The following KIF3B variants were observed in gnomAD, a reference collection of about 807,000 sequenced individuals.
The protein encoded by KIF3B is kinesin family member 3B.
A neutral mutation model predicts 74.3 loss-of-function variants in KIF3B; 38 were observed. The observed-to-expected ratio is 0.51, with a 90% CI of 0.39 to 0.67. The LOEUF (loss-of-function observed/expected upper bound fraction) is 0.67, where lower values mean the gene tolerates loss of function less well. Ranked by LOEUF, KIF3B falls within the 30% of genes least tolerant of loss-of-function variation. The pLI, the probability that KIF3B is intolerant of heterozygous loss-of-function variation, is 0.00. For synonymous variants in KIF3B, 326 were observed against 342.5 expected (o/e 0.95, Z 0.53); for missense variants, 649 against 932.0 (o/e 0.70, Z 3.95).
chr20:32,328,336 A>G (rs2047914126), intron 7 of KIF3B, among the ~76,000 whole-genome samples: 1 of 151,980 alleles, frequency 6.6e-6, no homozygotes. Context: ...AGGCAGGAGA[A>G]TGGCGTGAAC....
intron 1 of KIF3B, among the ~76,000 whole-genome samples, chr20:32,302,177 C>T (rs2122679770): frequency 6.6e-6 from 1 of 152,296 alleles, no homozygotes; most frequent in East Asian, 1.9e-4. Flanking sequence ...GGGCATCCTT[C>T]CAAGAAAACT....
At position 32,333,755 on chromosome 20, in the gene KIF3B, G is replaced by A. The variant is rs1294741303; in HGVS notation, c.*2436G>A. Reference sequence around the variant, plus strand: ...ACCAAGGGTGGTTAAGTGACACATAGAACTTTTCTAAGAGAAGACAGACAA... The same window carrying A: ...ACCAAGGGTGGTTAAGTGACACATAAAACTTTTCTAAGAGAAGACAGACAA... On this transcript the variant is annotated 3_prime_UTR_variant, in exon 9 of 9. Coordinates refer to ENST00000375712, the MANE Select transcript of KIF3B (RefSeq NM_004798.4). The A allele has an allele frequency of 6.6e-6, 1 of 150,820 alleles. No individual in the cohort carries two copies. Among genetic ancestry groups the A allele is most frequent in the African/African-American group, 2.4e-5 (1 of 40,890 alleles). The allele number at this position is 150,820 out of a possible 1,614,324, so 9.3% of individuals were successfully genotyped here.
chr20:32,323,068 ATT>A (rs1322001725), intron 5 of KIF3B, among the ~76,000 whole-genome samples: 1 of 60,598 alleles, frequency 1.7e-5, no homozygotes, highest in Admixed American at 2.2e-4. Context: ...ATTTATATAT[ATT>A]TATATATTTA....
In KIF3B at chr20:32,322,694, A is replaced by T. The variant is rs1399362165; in HGVS notation, c.1749-4077A>T. Reference sequence around the variant, plus strand: ...TATTTATATATTTATATATATTTATATATATTTATATATTTATATATATTT... The same window carrying T: ...TATTTATATATTTATATATATTTATTTATATTTATATATTTATATATATTT... On this transcript the variant is annotated intron_variant, in intron 5 of 8. Transcript: ENST00000375712. 7.5e-5 allele frequency among the ~76,000 whole-genome samples: 5 copies of T among 66,328 alleles called. 1 individual carries two copies. Among genetic ancestry groups the T allele is most frequent in the African/African-American group, 3.7e-4 (4 of 10,728 alleles). The allele number at this position is 66,328 out of a possible 152,430, so 43.5% of individuals were successfully genotyped here.
At position 32,334,251 on chromosome 20, in the gene KIF3B, T is replaced by C. The variant is rs1337515141; in HGVS notation, c.*2932T>C. 1 of 152,762 alleles carries C rather than the reference T, an allele frequency of 6.5e-6. No individual in the cohort carries two copies. The highest frequency in any genetic ancestry group is 6.6e-5 in the Admixed American group (1 of 15,266). 9.5% of individuals were successfully genotyped at this position (152,762 alleles called of 1,614,324 possible). Reference sequence around the variant, plus strand: ...TCAAGTCACATGTCTCTCAGACCCCTGGATTCAGAACCCAAGGCCACAAAT... The same window carrying C: ...TCAAGTCACATGTCTCTCAGACCCCCGGATTCAGAACCCAAGGCCACAAAT... On this transcript the variant is annotated 3_prime_UTR_variant, in exon 9 of 9. Transcript: ENST00000375712.
chr20:32,318,016 A>C (rs569941175), intron 5 of KIF3B, among the ~76,000 whole-genome samples: 1 of 152,218 alleles, frequency 6.6e-6, no homozygotes, highest in Non-Finnish European at 1.5e-5. Flanking sequence ...AAAGTGTACA[A>C]ATCAGTCCGG....
In KIF3B at chr20:32,316,246, G is replaced by GA; in HGVS notation, c.1439dup (p.Asn480LysfsTer8). ...ATGGAGAGTAAGTTGCTTGTTGGAG[G>GA]AAAAAATATAGTAGATCATACGAAT... On this transcript the variant is annotated frameshift_variant, in exon 3 of 9. Coordinates refer to ENST00000375712, the MANE Select transcript of KIF3B (RefSeq NM_004798.4). LOFTEE classifies it high-confidence loss of function. 6.2e-7 allele frequency: 1 copy of GA among 1,612,192 alleles called. No individual in the cohort carries two copies. The highest frequency in any genetic ancestry group is 8.5e-7 in the Non-Finnish European group (1 of 1,178,356).
chr20:32,318,332 T>C (rs1452601565), intron 5 of KIF3B, among the ~76,000 whole-genome samples: 1 of 151,650 alleles, frequency 6.6e-6, no homozygotes, highest in Non-Finnish European at 1.5e-5. Context: ...AATGATAAAG[T>C]ATACAAATCA....
chr20:32,299,379 G>GTGTGTATATA (rs1187264463), intron 1 of KIF3B, among the ~76,000 whole-genome samples: 350 of 22,968 alleles, frequency 0.015, 9 homozygotes, highest in Non-Finnish European at 0.021. Context: ...TGGTGTGTGT[G>GTGTGTATATA]TATATATATA....
chr20:32,330,307 A>G lies in KIF3B; in HGVS notation c.2135A>G (p.Lys712Arg). Residue 712 changes from lysine (K) to arginine (R), a missense_variant, in exon 8 of 9, where the codon AAA becomes AGA. Physicochemically the swap from Lys to Arg is conservative, Grantham distance 26. Transcript: ENST00000375712. ...TCATTTGAAAGCACTGCAAATAAGA[A>G]ATCCAAGGCCAGGTGAGTGGCTTTG... Reference protein sequence around the residue: ...ASSFESTANKKSKARPKSGRK... With the variant: ...ASSFESTANKRSKARPKSGRK... 1.2e-6 allele frequency: 2 copies of G among 1,613,946 alleles called. No individual in the cohort carries two copies. The highest frequency in any genetic ancestry group is 4.5e-5 in the East Asian group (2 of 44,878).
chr20:32,287,537 G>A (rs2047672823), intron 1 of KIF3B, among the ~76,000 whole-genome samples: 1 of 151,630 alleles, frequency 6.6e-6, no homozygotes, highest in African/African-American at 2.4e-5. Context: ...GCTCAGGCTG[G>A]TCTCAACTCC....
intron 1 of KIF3B, among the ~76,000 whole-genome samples, chr20:32,285,340 G>A (rs2047662788): frequency 6.6e-6 from 1 of 152,088 alleles, no homozygotes; most frequent in South Asian, 2.1e-4. Context: ...TCTTGATTCT[G>A]GTGATAAATA....
chr20:32,329,905 T>C (rs1418980646), intron 7 of KIF3B, among the ~76,000 whole-genome samples: 2 of 152,184 alleles, frequency 1.3e-5, no homozygotes, highest in African/African-American at 4.8e-5. Flanking sequence ...GTTAGTTAGC[T>C]CTTTGGGTGC....
chr20:32,303,948 C>A (rs1439232756), intron 1 of KIF3B, among the ~76,000 whole-genome samples: 1 of 151,888 alleles, frequency 6.6e-6, no homozygotes, highest in Admixed American at 6.6e-5. Flanking sequence ...TCTGGAATGA[C>A]CCTCTGACAA....
chr20:32,284,359 A>G (rs991868491), intron 1 of KIF3B, among the ~76,000 whole-genome samples: 2 of 152,216 alleles, frequency 1.3e-5, no homozygotes, highest in Non-Finnish European at 2.9e-5. Flanking sequence ...ACAAATGAAG[A>G]CATTGTGGTG....
Position 32,331,531 on chromosome 20 carries a change from T to A in KIF3B, c.*212T>A. ...TCTGGGAAACATCTTTTAATTAGCATCTCAGAAATGCATGGGTAAGGTAAA... is the reference window on the plus strand; with the variant it reads ...TCTGGGAAACATCTTTTAATTAGCAACTCAGAAATGCATGGGTAAGGTAAA... On this transcript the variant is annotated 3_prime_UTR_variant, in exon 9 of 9. Coordinates refer to ENST00000375712, the MANE Select transcript of KIF3B (RefSeq NM_004798.4). 1 of 550,564 alleles carries A rather than the reference T, an allele frequency of 1.8e-6. No individual in the cohort carries two copies. The highest frequency in any genetic ancestry group is 3.2e-6 in the Non-Finnish European group (1 of 316,280). 34.1% of individuals were successfully genotyped at this position (550,564 alleles called of 1,614,324 possible).
Position 32,310,717 on chromosome 20 carries a change from G to A in KIF3B, c.940G>A (p.Val314Met), listed in dbSNP as rs1311700900. The stretch of plus-strand genomic sequence containing the variant: ...TGGTGGCAATGCCAAGACTGTGATG[G>A]TGGCCAACGTGGGGCCTGCCTCTTA... Reference protein sequence around the residue: ...SLGGNAKTVMVANVGPASYNV... With the variant: ...SLGGNAKTVMMANVGPASYNV... The change falls in exon 2 of 9, where the codon GTG becomes ATG. Residue 314 changes from valine to methionine, a missense_variant. Coordinates refer to ENST00000375712, the MANE Select transcript of KIF3B (RefSeq NM_004798.4). This position sits in a 1 kb window ranked among gnomAD's most constrained non-coding sequence, Gnocchi z 6.5. 1.2e-6 allele frequency: 2 copies of A among 1,614,014 alleles called. No homozygotes were observed. Among genetic ancestry groups the A allele is most frequent in the Non-Finnish European group, 1.7e-6 (2 of 1,180,038 alleles).
At chr20:32,311,863 C>T (rs1349868290) in intron 2 of KIF3B, among the ~76,000 whole-genome samples, 4 of 143,628 alleles carry the variant, frequency 2.8e-5, no homozygotes, top group Non-Finnish European at 4.5e-5. Flanking sequence ...AGTGCAGTGG[C>T]GCGATCTCGG....
intron 1 of KIF3B, among the ~76,000 whole-genome samples, chr20:32,289,258 G>A (rs899758617): frequency 6.9e-6 from 1 of 144,550 alleles, no homozygotes; most frequent in African/African-American, 2.6e-5. Context: ...GCAGTGGCAC[G>A]ATCTCAGCTC....
Sources: allele counts gnomAD v4.1 joint callset (sites outside exome capture counted in the v4.1 genomes callset), GRCh38; gene constraint gnomAD v4.1.1; non-coding constraint Gnocchi (gnomAD v3.1); transcripts MANE v1.5; gene names NCBI Gene and HGNC (gene_info 2026-07-23, HGNC 2026-07-21).